The following SRGAP1 variants were observed in gnomAD, a reference collection of about 807,000 sequenced individuals.
SRGAP1 encodes the protein SLIT-ROBO Rho GTPase-activating protein 1.
SRGAP1 carries 43 observed loss-of-function variants against 121.9 expected under a neutral mutation model. The observed-to-expected ratio is 0.35, with a 90% CI of 0.28 to 0.46. The LOEUF (loss-of-function observed/expected upper bound fraction) is 0.46. SRGAP1 is among the 20% of genes least tolerant of loss of function. The pLI, the probability that SRGAP1 is intolerant of heterozygous loss-of-function variation, is 1.00. For missense variants in SRGAP1, 1,102 were observed against 1,350.9 expected (o/e 0.82, Z 2.89); for synonymous variants, 447 against 485.4 (o/e 0.92, Z 1.04).
intron 1 of SRGAP1, among the ~76,000 whole-genome samples, chr12:63,905,839 C>A (rs2030178763): frequency 6.6e-6 from 1 of 152,172 alleles, no homozygotes; most frequent in Non-Finnish European, 1.5e-5. Flanking sequence ...CCTGAGTCAT[C>A]AGGATGGTGT....
intron 4 of SRGAP1, among the ~76,000 whole-genome samples, chr12:64,031,661 C>T (rs2034783987): frequency 6.6e-6 from 1 of 152,294 alleles, no homozygotes; most frequent in African/African-American, 2.4e-5. Context: ...CTCTGAGCTT[C>T]ATCAGATATT....
At chr12:64,111,719 T>C (rs1335779880) in intron 16 of SRGAP1, 43 bp from the exon 17 acceptor site, 1 of 1,501,728 alleles carries the variant, frequency 6.7e-7, no homozygotes, top group Non-Finnish European at 9.1e-7. Context: ...ATCCTTTTTT[T>C]CTCTTTGTTC....
At chr12:63,857,965 A>G (rs563444783) in intron 1 of SRGAP1, among the ~76,000 whole-genome samples, 11 of 152,276 alleles carry the variant, frequency 7.2e-5, no homozygotes, top group African/African-American at 2.6e-4. Context: ...TTTATTATAG[A>G]TACTCTTTAA....
chr12:63,976,415 C>G (rs2136398384), intron 1 of SRGAP1, among the ~76,000 whole-genome samples: 1 of 152,250 alleles, frequency 6.6e-6, no homozygotes, highest in South Asian at 2.1e-4. Flanking sequence ...CTTGCCCAGC[C>G]ATGGATATGT....
intron 1 of SRGAP1, among the ~76,000 whole-genome samples, chr12:63,942,781 A>G (rs2031912307): frequency 6.6e-6 from 1 of 152,158 alleles, no homozygotes; most frequent in South Asian, 2.1e-4. Context: ...GCCGTCTCCC[A>G]GCGCAGACGC....
intron 6 of SRGAP1, among the ~76,000 whole-genome samples, chr12:64,055,702 G>A (rs2035327377): frequency 6.6e-6 from 1 of 152,160 alleles, no homozygotes; most frequent in Non-Finnish European, 1.5e-5. Context: ...GTTCTTTTCA[G>A]TGGAGGTTCC....
intron 1 of SRGAP1, among the ~76,000 whole-genome samples, chr12:63,892,116 C>G (rs11832764): frequency 1.4e-4 from 21 of 151,940 alleles, no homozygotes; most frequent in African/African-American, 4.8e-4. Context: ...AAACTATGAT[C>G]AAAGTAATAT....
intron 1 of SRGAP1, among the ~76,000 whole-genome samples, chr12:63,884,552 T>G (rs1165193422): frequency 6.6e-6 from 1 of 152,086 alleles, no homozygotes; most frequent in East Asian, 1.9e-4. Flanking sequence ...TTCAAAAGCC[T>G]CTCTTCTAGC....
chr12:64,082,452 C>CTT (rs371020186), intron 10 of SRGAP1, among the ~76,000 whole-genome samples: 29 of 139,386 alleles, frequency 2.1e-4, no homozygotes, highest in Non-Finnish European at 2.7e-4. Context: ...CCAGAATTTT[C>CTT]TTTTTTTTTT....
At chr12:64,084,330 T>C (rs895582374) in intron 10 of SRGAP1, among the ~76,000 whole-genome samples, 8 of 150,664 alleles carry the variant, frequency 5.3e-5, no homozygotes, top group African/African-American at 1.9e-4. Flanking sequence ...ATGGCTTATA[T>C]GTTGGGGGGT....
At chr12:64,030,458 A>C (rs892199178) in intron 4 of SRGAP1, among the ~76,000 whole-genome samples, 5 of 152,340 alleles carry the variant, frequency 3.3e-5, no homozygotes, top group Middle Eastern at 6.8e-3. Context: ...TTTTCTTTTT[A>C]ATAAGGCATA....
chr12:63,877,921 A>G (rs1900080397), intron 1 of SRGAP1, among the ~76,000 whole-genome samples: 1 of 152,266 alleles, frequency 6.6e-6, no homozygotes, highest in Non-Finnish European at 1.5e-5. Context: ...TGATGATTGC[A>G]CACACTGCTG....
intron 1 of SRGAP1, among the ~76,000 whole-genome samples, chr12:63,961,783 CG>C (rs1363889812): frequency 6.6e-6 from 1 of 152,100 alleles, no homozygotes; most frequent in Non-Finnish European, 1.5e-5. Flanking sequence ...AGAGCTGATT[CG>C]TCAATAAATA....
At chr12:63,957,630 C>G (rs1291456092) in intron 1 of SRGAP1, among the ~76,000 whole-genome samples, 3 of 152,068 alleles carry the variant, frequency 2.0e-5, no homozygotes, top group Non-Finnish European at 4.4e-5. Context: ...TTACCCCACT[C>G]CAAATTTCAT....
At chr12:63,979,032 T>C (rs1490539976) in intron 1 of SRGAP1, among the ~76,000 whole-genome samples, 1 of 148,332 alleles carries the variant, frequency 6.7e-6, no homozygotes, top group Non-Finnish European at 1.5e-5. Context: ...GTTGAGACCC[T>C]TTGACCTTTT....
At chr12:64,010,708 G>C (rs1442292804) in intron 3 of SRGAP1, among the ~76,000 whole-genome samples, 1 of 152,050 alleles carries the variant, frequency 6.6e-6, no homozygotes, top group Non-Finnish European at 1.5e-5. Flanking sequence ...AAGCCTGCTA[G>C]CAACATTTCA....
intron 21 of SRGAP1, among the ~76,000 whole-genome samples, chr12:64,129,300 G>A (rs758183036): frequency 1.3e-5 from 2 of 152,144 alleles, no homozygotes; most frequent in Non-Finnish European, 2.9e-5. Context: ...GGAGTCTGAT[G>A]TTCAAGGGCA....
chr12:64,065,085 C>T (rs778511614), intron 7 of SRGAP1, 33 bp from the exon 8 acceptor site: 11 of 1,550,060 alleles, frequency 7.1e-6, no homozygotes, highest in Non-Finnish European at 9.7e-6. Flanking sequence ...GTTGATGGTG[C>T]CCTGTTGTAA....
chr12:63,887,446 A>C (rs569974767), intron 1 of SRGAP1: 1 of 152,356 alleles, frequency 6.6e-6, no homozygotes, highest in South Asian at 2.1e-4. Context: ...CACTGGAAAC[A>C]CTGGGTTTGG....
Sources: gnomAD v4.1 joint callset for allele counts (sites outside exome capture counted in the v4.1 genomes callset) on GRCh38, gnomAD v4.1.1 for gene constraint, MANE v1.5 for transcripts, NCBI Gene and HGNC (gene_info 2026-07-23, HGNC 2026-07-21) for gene names.